RPN2: variants seen among roughly 807,000 people sequenced by gnomAD.
The protein encoded by RPN2 is dolichyl-diphosphooligosaccharide--protein glycosyltransferase subunit 2.
RPN2 carries 29 observed loss-of-function variants against 71.4 expected under a neutral mutation model. The observed-to-expected ratio is 0.41, with a 90% CI of 0.30 to 0.55. The LOEUF (loss-of-function observed/expected upper bound fraction) is 0.55, where lower values mean the gene tolerates loss of function less well. RPN2 is among the 20% of genes least tolerant of loss of function. The pLI is 0.35. For synonymous variants in RPN2, 308 were observed against 305.0 expected (o/e 1.01, Z -0.10); for missense variants, 726 against 774.1 (o/e 0.94, Z 0.74).
At chr20:37,203,667 T>C (rs1237476532) in intron 4 of RPN2, among the ~76,000 whole-genome samples, 1 of 152,224 alleles carries the variant, frequency 6.6e-6, no homozygotes, top group Non-Finnish European at 1.5e-5. Flanking sequence ...TTCTTGCCAG[T>C]TCTGTTGCCT....
Position 37,210,114 on chromosome 20 carries a change from C to G in RPN2, c.935C>G (p.Ser312Cys), listed in dbSNP as rs371734476. Residue 312 changes from serine (S) to cysteine (C), a missense_variant, in exon 8 of 17, where the codon TCT becomes TGT. Physicochemically the swap from Ser to Cys is moderately radical, Grantham distance 112. Coordinates refer to ENST00000237530, the MANE Select transcript of RPN2 (RefSeq NM_002951.5). ...QATVKLEHAK[S>C]VASRATVLQK... ...ACTGTTAAACTAGAACATGCTAAAT[C>G]TGTTGCTTCCAGAGCCACTGTCCTC... 8.7e-6 allele frequency: 14 copies of G among 1,614,054 alleles called. No homozygotes were observed. Among genetic ancestry groups the G allele is most frequent in the Non-Finnish European group, 1.2e-5 (14 of 1,180,034 alleles).
In RPN2 at chr20:37,204,867, T is replaced by C. The variant is rs745420615; in HGVS notation, c.656T>C (p.Met219Thr). The C allele has an allele frequency of 6.2e-7, 1 of 1,614,206 alleles. No individual in the cohort carries two copies. The highest frequency in any genetic ancestry group is 8.5e-7 in the Non-Finnish European group (1 of 1,180,038). ...ALFVAATYKLMDHVGTEPSIK... is the reference protein window; with the variant it reads ...ALFVAATYKLTDHVGTEPSIK... ...TTTGTGGCTGCCACCTACAAGCTCATGGATCATGTGGGGACTGAGCCATCC... is the reference window on the plus strand; with the variant it reads ...TTTGTGGCTGCCACCTACAAGCTCACGGATCATGTGGGGACTGAGCCATCC... The change falls in exon 6 of 17, where the codon ATG (methionine) becomes ACG (threonine). Residue 219 changes from methionine (M) to threonine (T), a missense_variant. Met to Thr is a moderately conservative substitution (Grantham distance 81). Transcript: ENST00000237530.
At chr20:37,209,945 C>T in intron 7 of RPN2, 102 bp from the exon 8 acceptor site, 1 of 1,557,924 alleles carries the variant, frequency 6.4e-7, no homozygotes, top group Non-Finnish European at 8.7e-7. Flanking sequence ...AGGGGATTTG[C>T]TCTCCTGCAG....
intron 2 of RPN2, among the ~76,000 whole-genome samples, chr20:37,188,784 A>T (rs6073602): frequency 0.75 from 110,593 of 148,016 alleles, 41,132 homozygotes; most frequent in Middle Eastern, 0.87. Flanking sequence ...GCCTAGCTAA[A>T]TTTTTTTTTT....
intron 4 of RPN2, among the ~76,000 whole-genome samples, 193 bp downstream of exon 4, chr20:37,199,418 C>T (rs2067330524): frequency 6.6e-6 from 1 of 152,226 alleles, no homozygotes; most frequent in Admixed American, 6.5e-5. Context: ...TCGTGGAGCT[C>T]ACATGGACAC....
chr20:37,215,999 A>G (rs1345482954), intron 9 of RPN2, among the ~76,000 whole-genome samples: 1 of 152,116 alleles, frequency 6.6e-6, no homozygotes, highest in Non-Finnish European at 1.5e-5. Flanking sequence ...GCTTTATGGC[A>G]TCTCTTGAAG....
At chr20:37,232,485 T>A in intron 14 of RPN2, 94 bp downstream of exon 14, 1 of 1,467,250 alleles carries the variant, frequency 6.8e-7, no homozygotes, top group Non-Finnish European at 9.5e-7. Flanking sequence ...CTGGCCTCAG[T>A]AAAGCTCCAG....
chr20:37,207,650 TAAAA>T (rs869213658), intron 7 of RPN2, among the ~76,000 whole-genome samples: 2 of 152,122 alleles, frequency 1.3e-5, no homozygotes, highest in African/African-American at 4.8e-5. Context: ...TCAAATCTAT[TAAAA>T]AAATTTTTTT....
chr20:37,224,612 C>T (rs1018131658), intron 10 of RPN2, among the ~76,000 whole-genome samples: 3 of 152,178 alleles, frequency 2.0e-5, no homozygotes, highest in Non-Finnish European at 4.4e-5. Flanking sequence ...TCTAAGTAGA[C>T]ACTAACAATT....
chr20:37,237,199 C>G (rs923651599), intron 16 of RPN2, among the ~76,000 whole-genome samples: 2 of 152,144 alleles, frequency 1.3e-5, no homozygotes, highest in African/African-American at 4.8e-5. Flanking sequence ...AGGAGTATCT[C>G]CTCAGTAGCC....
chr20:37,204,248 A>C (rs564705026), intron 5 of RPN2, among the ~76,000 whole-genome samples: 1 of 152,332 alleles, frequency 6.6e-6, no homozygotes, highest in South Asian at 2.1e-4. Flanking sequence ...GCCTGGCAGG[A>C]GTGACAAGCA....
rs111986827 is a variant in RPN2 at position 37,207,387 on chromosome 20, G to T, written c.805G>T (p.Val269Leu). 4.3e-6 allele frequency: 7 copies of T among 1,614,036 alleles called. No homozygotes were observed. Among genetic ancestry groups the T allele is most frequent in the Admixed American group, 3.3e-5 (2 of 60,010 alleles). Residue 269 changes from valine (V) to leucine (L), a missense_variant, in exon 7 of 17, where the codon GTG (valine) becomes TTG (leucine). Coordinates refer to ENST00000237530, the MANE Select transcript of RPN2 (RefSeq NM_002951.5). ...AAVLSHNRYH[V>L]PVVVVPEGSA... ...TGTGCTCTCGCATAATCGCTACCAC[G>T]TGCCAGTTGTGGTTGTGCCTGAGGG...
rs532075646 is a variant in RPN2 at position 37,218,001 on chromosome 20, G to A, written c.1092+4136G>A. Among the ~76,000 whole-genome samples, 9 of 152,178 alleles carry A rather than the reference G, an allele frequency of 5.9e-5. No individual in the cohort carries two copies. The East Asian group carries it at 1.7e-3, about 30-fold the overall frequency. On this transcript the variant is annotated intron_variant, in intron 9 of 16. Coordinates refer to ENST00000237530, the MANE Select transcript of RPN2 (RefSeq NM_002951.5). ...ATCTGCCTCGCCTCGGCCTCCCAAAGTGCTGGGATTACAGATGTGAACCAC... is the reference window on the plus strand; with the variant it reads ...ATCTGCCTCGCCTCGGCCTCCCAAAATGCTGGGATTACAGATGTGAACCAC...
At chr20:37,203,810 T>G (rs891812791) in intron 4 of RPN2, 75 bp from the exon 5 acceptor site, 1 of 1,003,534 alleles carries the variant, frequency 1.0e-6, no homozygotes, top group African/African-American at 1.6e-5. Context: ...TTTGTGAAAG[T>G]GTCCAAGTAC....
intron 1 of RPN2, among the ~76,000 whole-genome samples, chr20:37,183,513 T>C (rs2066930806): frequency 6.6e-6 from 1 of 152,206 alleles, no homozygotes; most frequent in Admixed American, 6.5e-5. Context: ...CTGTATTAAC[T>C]CGTGTAATTG....
chr20:37,205,595 T>C (rs2067494113), intron 6 of RPN2, among the ~76,000 whole-genome samples: 1 of 152,204 alleles, frequency 6.6e-6, no homozygotes, highest in Non-Finnish European at 1.5e-5. Flanking sequence ...TTTTCATTTC[T>C]TTATGCATTA....
intron 2 of RPN2, among the ~76,000 whole-genome samples, chr20:37,188,232 G>A (rs1373248712): frequency 1.3e-5 from 2 of 152,072 alleles, no homozygotes; most frequent in African/African-American, 4.8e-5. Context: ...GCAGTGGCGC[G>A]ATCTTGGCCC....
chr20:37,236,888 G>A (rs1471501162), intron 16 of RPN2, among the ~76,000 whole-genome samples, 179 bp downstream of exon 16: 1 of 152,188 alleles, frequency 6.6e-6, no homozygotes, highest in Non-Finnish European at 1.5e-5. Context: ...AGCCTTAGTG[G>A]TCAGCTTTGA....
intron 9 of RPN2, among the ~76,000 whole-genome samples, chr20:37,216,033 C>A (rs986293991): frequency 7.9e-5 from 12 of 152,028 alleles, no homozygotes; most frequent in African/African-American, 2.2e-4. Context: ...TTTAATGAAG[C>A]CTAATTTAAA....
Sources: gnomAD v4.1 joint callset for allele counts (sites outside exome capture counted in the v4.1 genomes callset) on GRCh38, gnomAD v4.1.1 for gene constraint, MANE v1.5 for transcripts, NCBI Gene and HGNC (gene_info 2026-07-23, HGNC 2026-07-21) for gene names.